The following PLXNC1 variants were observed in gnomAD, a reference collection of about 807,000 sequenced individuals.
PLXNC1 encodes plexin-C1.
In PLXNC1, 75 loss-of-function variants were observed where a neutral mutation model predicts 178.2. That is an observed-to-expected ratio of 0.42 (90% CI 0.35 to 0.51). PLXNC1 has a LOEUF of 0.51. Among genes scored for constraint, PLXNC1 ranks in the 20% least tolerant of loss-of-function variants. The pLI, the probability that PLXNC1 is intolerant of heterozygous loss-of-function variation, is 0.02. For synonymous variants in PLXNC1, 790 were observed against 779.9 expected, an observed-to-expected ratio of 1.01 and a Z score of -0.22; for missense variants, 1,503 against 1,984.4, an observed-to-expected ratio of 0.76 and a Z score of 4.61.
rs1231150823 is a variant in PLXNC1, at chr12:94,283,825, T to C, written c.3879+1424T>C. ...TGGGCCAGGCGTGGTGGCTCACGCC[T>C]GTAATCCCAGCACTTCGGGAGGCTG... On this transcript the variant is annotated intron_variant, in intron 23 of 30. Transcript: ENST00000258526. Among the ~76,000 whole-genome samples, 3 of 152,172 alleles carry C rather than the reference T, an allele frequency of 2.0e-5. 1 individual carries two copies. Among genetic ancestry groups the C allele is most frequent in the Non-Finnish European group, 4.4e-5 (3 of 68,028 alleles).
intron 3 of PLXNC1, among the ~76,000 whole-genome samples, chr12:94,182,536 C>A (rs985171486): frequency 2.2e-4 from 33 of 150,440 alleles, no homozygotes; most frequent in Middle Eastern, 7.0e-3. Context: ...CCAGCCTGGG[C>A]AACATGATGA....
At chr12:94,278,438 A>C (rs1165504686) in intron 21 of PLXNC1, among the ~76,000 whole-genome samples, 1 of 152,244 alleles carries the variant, frequency 6.6e-6, no homozygotes, top group Non-Finnish European at 1.5e-5. Context: ...TTGTTTTGAA[A>C]TATTCCCTAG....
chr12:94,299,531 G>A (rs1039699639), intron 27 of PLXNC1, among the ~76,000 whole-genome samples: 15 of 151,838 alleles, frequency 9.9e-5, no homozygotes, highest in Admixed American at 8.5e-4. Flanking sequence ...AATTCTCTAC[G>A]CTGGCTTGCT....
intron 4 of PLXNC1, among the ~76,000 whole-genome samples, chr12:94,194,418 TCTC>T (rs1366740222): frequency 1.3e-5 from 2 of 152,146 alleles, no homozygotes; most frequent in Non-Finnish European, 2.9e-5. Flanking sequence ...CTCTGCCACT[TCTC>T]CTCTTCTATA....
chr12:94,186,165 G>A (rs1962500774), intron 3 of PLXNC1: 3 of 389,192 alleles, frequency 7.7e-6, no homozygotes, highest in East Asian at 8.1e-5. Context: ...CAGAGGCCTG[G>A]GAATACGCAC....
At chr12:94,226,892 G>T (rs535439841) in intron 8 of PLXNC1, among the ~76,000 whole-genome samples, 185 bp downstream of exon 8, 1 of 152,048 alleles carries the variant, frequency 6.6e-6, no homozygotes, top group African/African-American at 2.4e-5. Context: ...GTGTGGTGGC[G>T]CATGCCTGTA....
intron 2 of PLXNC1, among the ~76,000 whole-genome samples, chr12:94,171,444 A>G (rs1250476333): frequency 6.6e-6 from 1 of 152,170 alleles, no homozygotes; most frequent in African/African-American, 2.4e-5. Flanking sequence ...AGTCCTCTCC[A>G]TGACACAATG....
In PLXNC1 at chr12:94,166,524, GTATTATTATTAT is replaced by G. The variant is rs55733946; in HGVS notation, c.1063-2596_1063-2585del. ...AGTAAGTATTAGTACATGTTAGCTGGTATTATTATTATTATTATTATTATTATTATTATTATT... is the reference window on the plus strand; with the variant it reads ...AGTAAGTATTAGTACATGTTAGCTGGTATTATTATTATTATTATTATTATT... On this transcript the variant is annotated intron_variant, in intron 1 of 30. Transcript: ENST00000258526. Among the ~76,000 whole-genome samples, 1,236 of 143,978 alleles carry G rather than the reference GTATTATTATTAT, an allele frequency of 8.6e-3. 10 individuals are homozygous for G. The highest frequency in any genetic ancestry group is 0.014 in the African/African-American group (534 of 39,074). The allele number at this position is 143,978 out of a possible 152,430, so 94.5% of individuals were successfully genotyped here.
chr12:94,269,113 C>T (rs1038499608), intron 21 of PLXNC1, among the ~76,000 whole-genome samples: 4 of 152,098 alleles, frequency 2.6e-5, no homozygotes, highest in African/African-American at 9.7e-5. Context: ...TCGTAGCAAG[C>T]GTGCTGAATT....
At chr12:94,238,927 CT>C (rs1288215747) in intron 10 of PLXNC1, among the ~76,000 whole-genome samples, 1 of 152,134 alleles carries the variant, frequency 6.6e-6, no homozygotes, top group Admixed American at 6.5e-5. Context: ...TTTTTTTGTG[CT>C]GTTTATCCTG....
chr12:94,160,538 G>A (rs184749950), intron 1 of PLXNC1, among the ~76,000 whole-genome samples: 1 of 152,246 alleles, frequency 6.6e-6, no homozygotes, highest in Admixed American at 6.5e-5. Flanking sequence ...CTTCTCCTGA[G>A]GCTCCTTTCT....
intron 4 of PLXNC1, among the ~76,000 whole-genome samples, chr12:94,196,976 G>A (rs1962939273): frequency 6.6e-6 from 1 of 152,200 alleles, no homozygotes; most frequent in Non-Finnish European, 1.5e-5. Context: ...CAAGCCTGCA[G>A]TGGGTTTCAC....
intron 21 of PLXNC1, among the ~76,000 whole-genome samples, chr12:94,265,748 A>G (rs976139367): frequency 3.3e-5 from 5 of 152,198 alleles, no homozygotes; most frequent in African/African-American, 1.2e-4. Flanking sequence ...GATCTCATAG[A>G]TATTTTTAGA....
chr12:94,226,617 C>T lies in PLXNC1; in HGVS notation c.1803C>T (p.Cys601=), dbSNP rs138228025. The change falls in exon 8 of 31, where the codon TGC becomes TGT. Residue 601 remains cysteine (C), a synonymous_variant. Transcript: ENST00000258526. ...NCSSLKECPA[C]VETGCAWCKS... ...TCTGTGTTGCTAGATGCCCAGCATGCGTAGAAACTGGCTGCGCGTGGTGTA... is the reference window on the plus strand; with the variant it reads ...TCTGTGTTGCTAGATGCCCAGCATGTGTAGAAACTGGCTGCGCGTGGTGTA... The T allele has an allele frequency of 4.6e-5, 74 of 1,611,894 alleles. No homozygotes were observed. The highest frequency in any genetic ancestry group is 2.0e-4 in the African/African-American group (15 of 74,886).
chr12:94,277,668 T>G, intron 21 of PLXNC1: 1 of 318,330 alleles, frequency 3.1e-6, no homozygotes, highest in Non-Finnish European at 6.1e-6. Context: ...TCCTCCTTAT[T>G]CAGAGATACT....
At chr12:94,215,424 A>C (rs555793342) in intron 5 of PLXNC1, among the ~76,000 whole-genome samples, 2 of 152,264 alleles carry the variant, frequency 1.3e-5, no homozygotes, top group South Asian at 4.1e-4. Flanking sequence ...TTTTTGAGTT[A>C]GTGTTTATTT....
Position 94,177,149 on chromosome 12 carries a change from G to A in PLXNC1, c.1204-4297G>A, listed in dbSNP as rs565758279. On this transcript the variant is annotated intron_variant, in intron 2 of 30. Coordinates refer to ENST00000258526, the MANE Select transcript of PLXNC1 (RefSeq NM_005761.3). ...TGTGTGTATATATATGTGTGTGTGT[G>A]TATATATATATGTATATATATATAT... is the stretch of plus-strand genomic sequence containing the variant. Among the ~76,000 whole-genome samples, 489 of 91,850 alleles carry A rather than the reference G, an allele frequency of 5.3e-3. 1 individual carries two copies. The highest frequency in any genetic ancestry group is 6.5e-3 in the African/African-American group (181 of 27,970). The allele number at this position is 91,850 out of a possible 152,430, so 60.3% of individuals were successfully genotyped here.
chr12:94,207,108 A>G (rs1192165746), intron 4 of PLXNC1, among the ~76,000 whole-genome samples: 1 of 152,168 alleles, frequency 6.6e-6, no homozygotes, highest in Admixed American at 6.5e-5. Flanking sequence ...GTAATAAGAT[A>G]CTGTTGTTGG....
rs367848008 is a variant in PLXNC1 at position 94,280,142 on chromosome 12, C to T, written c.3775+493C>T. On this transcript the variant is annotated intron_variant, in intron 22 of 30. Coordinates refer to ENST00000258526, the MANE Select transcript of PLXNC1 (RefSeq NM_005761.3). The stretch of plus-strand genomic sequence containing the variant: ...TCACATCCTGTATTAAGTATATGCT[C>T]CGTCCTCCCTCAGTGTGCAGCAGCA... 60 of 273,908 alleles carry T rather than the reference C, an allele frequency of 2.2e-4. 1 individual carries two copies. Among genetic ancestry groups the T allele is most frequent in the South Asian group, 1.9e-3 (53 of 28,100 alleles). 17.0% of individuals were successfully genotyped at this position (273,908 alleles called of 1,614,324 possible).
Sources: allele counts gnomAD v4.1 joint callset (sites outside exome capture counted in the v4.1 genomes callset), GRCh38; gene constraint gnomAD v4.1.1; transcripts MANE v1.5; gene names NCBI Gene and HGNC (gene_info 2026-07-23, HGNC 2026-07-21).